BEND3: variants seen among roughly 807,000 people sequenced by gnomAD.
BEND3 encodes BEN domain containing 3, also known as BEN domain-containing protein 3.
In BEND3, 13 loss-of-function variants were observed where a neutral mutation model predicts 60.1. That is an observed-to-expected ratio of 0.22 (90% CI 0.14 to 0.34). The LOEUF is 0.34. Ranked by LOEUF, BEND3 falls within the 10% of genes least tolerant of loss-of-function variation. BEND3 has a pLI of 1.00. For synonymous variants in BEND3, 497 were observed against 491.5 expected, an observed-to-expected ratio of 1.01 and a Z score of -0.15; for missense variants, 896 against 1,138.1, an observed-to-expected ratio of 0.79 and a Z score of 3.06.
chr6:107,070,221 A>C lies in BEND3; in HGVS notation c.970T>G (p.Trp324Gly), dbSNP rs782118787. ...YYPSVKDTAV[W>G]QAECLPQLND... is the part of the protein sequence containing the mutation. ...AGCTGGGGCAGGCACTCGGCCTGCC[A>C]CACAGCCGTGTCCTTCACCGAGGGG... The change falls in exon 4 of 4, where the codon TGG becomes GGG. Residue 324 changes from tryptophan (W) to glycine (G), a missense_variant. Coordinates refer to ENST00000369042, the MANE Select transcript of BEND3 (RefSeq NM_001367314.1). The surrounding 1 kb of genome is among the most constrained non-coding windows in gnomAD (Gnocchi z 6.9). 6.2e-7 allele frequency: 1 copy of C among 1,612,786 alleles called. No homozygotes were observed. Among genetic ancestry groups the C allele is most frequent in the African/African-American group, 1.3e-5 (1 of 74,942 alleles).
At chr6:107,075,167 A>G (rs1349966636) in intron 3 of BEND3, among the ~76,000 whole-genome samples, 1 of 152,096 alleles carries the variant, frequency 6.6e-6, no homozygotes, top group African/African-American at 2.4e-5. Context: ...TGGAGGTTGC[A>G]GTGAGCTGTG....
intron 3 of BEND3, among the ~76,000 whole-genome samples, chr6:107,080,749 T>G (rs2115006818): frequency 6.6e-6 from 1 of 152,080 alleles, no homozygotes; most frequent in East Asian, 1.9e-4. Context: ...CTGGGCGTGG[T>G]GGTGCGCACC....
rs549048606 is a variant in BEND3, at chr6:107,100,392, C to T, written c.-11-1096G>A. 2.3e-4 allele frequency among the ~76,000 whole-genome samples: 35 copies of T among 152,244 alleles called. No homozygotes were observed. The East Asian group carries it at 5.6e-3, about 24-fold the overall frequency. ...AAGTGATTCTCCTGCCTCTGCCTCC[C>T]GAGTAGCTGGGACTACAGGCATAAG... On this transcript the variant is annotated intron_variant, in intron 1 of 3. Transcript: ENST00000369042.
intron 3 of BEND3, among the ~76,000 whole-genome samples, chr6:107,086,556 AG>A (rs1397575266): frequency 3.3e-5 from 5 of 151,744 alleles, no homozygotes; most frequent in Non-Finnish European, 5.9e-5. Flanking sequence ...CGAAGGTTGC[AG>A]TGAGCCGAAA....
chr6:107,069,078 C>T lies in BEND3; in HGVS notation c.2113G>A (p.Glu705Lys). Residue 705 changes from glutamate (E) to lysine (K), a missense_variant, in exon 4 of 4, where the codon GAG becomes AAG. Transcript: ENST00000369042. Reference sequence around the variant, plus strand: ...AAGTCAGGCGAGGGGACCACCAGCTCGTCCAAGGGGATCTTGCAAAAGTCC... The same window carrying T: ...AAGTCAGGCGAGGGGACCACCAGCTTGTCCAAGGGGATCTTGCAAAAGTCC... ...SKDFCKIPLD[E>K]LVVPSPDFPV... 2.5e-6 allele frequency: 4 copies of T among 1,613,056 alleles called. No individual in the cohort carries two copies. Among genetic ancestry groups the T allele is most frequent in the South Asian group, 1.1e-5 (1 of 91,028 alleles).
chr6:107,070,923 C>T lies in BEND3; in HGVS notation c.268G>A (p.Glu90Lys). 6.2e-7 allele frequency: 1 copy of T among 1,612,826 alleles called. No individual in the cohort carries two copies. The highest frequency in any genetic ancestry group is 8.5e-7 in the Non-Finnish European group (1 of 1,179,476). ...TTGCCTTGGCAGGGCGAGCTGTTCT[C>T]ACGGTTCCGCATGCCTGCTAGGAGA... ...EALLAGMRNR[E>K]NSSPCQGNGE... Residue 90 changes from glutamate to lysine, a missense_variant, in exon 4 of 4, where the codon GAG becomes AAG. This residue lies in a region of BEND3 where 846 missense variants were observed against 1,036.7 expected (regional missense o/e 0.82). Coordinates refer to ENST00000369042, the MANE Select transcript of BEND3 (RefSeq NM_001367314.1). This position sits in a 1 kb window ranked among gnomAD's most constrained non-coding sequence, Gnocchi z 6.9.
In BEND3 at chr6:107,115,379, C is replaced by T. The variant is rs1452614434; in HGVS notation, c.-301G>A. The T allele has an allele frequency of 6.7e-6, 1 of 148,800 alleles. No homozygotes were observed. Among genetic ancestry groups the T allele is most frequent in the Non-Finnish European group, 1.5e-5 (1 of 66,656 alleles). The allele number at this position is 148,800 out of a possible 1,614,324, so 9.2% of individuals were successfully genotyped here. ...GGAACCACAACCCCTCCGCCCCCAC[C>T]CCCGGCCCGCCCCTCCCCCTCAGCG... On this transcript the variant is annotated 5_prime_UTR_variant, in exon 1 of 4. Coordinates refer to ENST00000369042, the MANE Select transcript of BEND3 (RefSeq NM_001367314.1).
In BEND3 at chr6:107,070,440, C is replaced by A. The variant is rs1213131224; in HGVS notation, c.751G>T (p.Ala251Ser). 3.1e-6 allele frequency: 5 copies of A among 1,614,006 alleles called. No homozygotes were observed. Among genetic ancestry groups the A allele is most frequent in the Middle Eastern group, 3.3e-4 (2 of 6,062 alleles). Residue 251 changes from alanine to serine, a missense_variant, in exon 4 of 4, where the codon GCA becomes TCA. Coordinates refer to ENST00000369042, the MANE Select transcript of BEND3 (RefSeq NM_001367314.1). This position sits in a 1 kb window ranked among gnomAD's most constrained non-coding sequence, Gnocchi z 6.9. Reference sequence around the variant, plus strand: ...TGGTCCACGATCTGCTTGAGCTCTGCGGCTGTGAGCTGGTACTCAGGGGGC... The same window carrying A: ...TGGTCCACGATCTGCTTGAGCTCTGAGGCTGTGAGCTGGTACTCAGGGGGC... ...QPPPEYQLTA[A>S]ELKQIVDQSL... is the part of the protein sequence containing the mutation.
chr6:107,081,774 G>A (rs1389357486), intron 3 of BEND3, among the ~76,000 whole-genome samples: 1 of 149,526 alleles, frequency 6.7e-6, no homozygotes, highest in Non-Finnish European at 1.5e-5. Context: ...GTGAGACCCT[G>A]TCTCAAAAAA....
chr6:107,070,830 C>T lies in BEND3; in HGVS notation c.361G>A (p.Asp121Asn), dbSNP rs148305412. 11 of 1,613,988 alleles carry T rather than the reference C, an allele frequency of 6.8e-6. No individual in the cohort carries two copies. Among genetic ancestry groups the T allele is most frequent in the South Asian group, 3.3e-5 (3 of 91,088 alleles). Residue 121 changes from aspartate to asparagine, a missense_variant, in exon 4 of 4, where the codon GAT (aspartate) becomes AAT (asparagine). Coordinates refer to ENST00000369042, the MANE Select transcript of BEND3 (RefSeq NM_001367314.1). The surrounding 1 kb of genome is among the most constrained non-coding windows in gnomAD (Gnocchi z 6.9). Reference protein sequence around the residue: ...VWPGEEEPCNDATTPSYKKPL... With the variant: ...VWPGEEEPCNNATTPSYKKPL... ...TTCTTGTAGGAAGGGGTGGTGGCAT[C>T]GTTGCAGGGCTCCTCCTCTCCAGGC... is the stretch of plus-strand genomic sequence containing the variant.
At chr6:107,096,677 G>C (rs1007168194) in intron 3 of BEND3, among the ~76,000 whole-genome samples, 1 of 152,306 alleles carries the variant, frequency 6.6e-6, no homozygotes, top group East Asian at 1.9e-4. Flanking sequence ...TCCTTAGAAA[G>C]TACATTAGTG....
chr6:107,083,235 G>A (rs782253752), intron 3 of BEND3, among the ~76,000 whole-genome samples: 19 of 152,150 alleles, frequency 1.2e-4, no homozygotes, highest in Non-Finnish European at 1.9e-4. Flanking sequence ...CCATCCAGGC[G>A]TGAAACTTTT....
At chr6:107,071,331 G>A (rs60486046) in intron 3 of BEND3, among the ~76,000 whole-genome samples, 1,783 of 152,320 alleles carry the variant, frequency 0.012, 26 homozygotes, top group African/African-American at 0.036. Flanking sequence ...TGCAGCTGCC[G>A]GCCACGGGCA....
At chr6:107,089,536 A>G (rs916022413) in intron 3 of BEND3, among the ~76,000 whole-genome samples, 3 of 149,874 alleles carry the variant, frequency 2.0e-5, no homozygotes, top group Non-Finnish European at 4.5e-5. Context: ...CAGTGAGCCA[A>G]GATCGTGCCA....
chr6:107,102,645 G>GGC (rs1775725280), intron 1 of BEND3, among the ~76,000 whole-genome samples: 1 of 152,170 alleles, frequency 6.6e-6, no homozygotes, highest in Admixed American at 6.5e-5. Context: ...CAGCATGGTG[G>GGC]GCCCCTTCCC....
At position 107,078,646 on chromosome 6, in the gene BEND3, C is replaced by T. The variant is rs116312349; in HGVS notation, c.241-7696G>A. ...AGTAAACAACATTTCTAAAGGCTGA[C>T]ATGGAGCATGCCCCATGCTGCGTCC... is the stretch of plus-strand genomic sequence containing the variant. On this transcript the variant is annotated intron_variant, in intron 3 of 3. Coordinates refer to ENST00000369042, the MANE Select transcript of BEND3 (RefSeq NM_001367314.1). Among the ~76,000 whole-genome samples, 730 of 149,800 alleles carry T rather than the reference C, an allele frequency of 4.9e-3. 8 individuals are homozygous for T. The highest frequency in any genetic ancestry group is 0.017 in the African/African-American group (697 of 40,266).
chr6:107,095,519 TA>T (rs1334085847), intron 3 of BEND3, among the ~76,000 whole-genome samples: 3 of 152,196 alleles, frequency 2.0e-5, no homozygotes, highest in African/African-American at 4.8e-5. Flanking sequence ...TTTACCAAAC[TA>T]AACATAATCA....
chr6:107,071,366 C>T (rs1774977379), intron 3 of BEND3, among the ~76,000 whole-genome samples: 1 of 151,460 alleles, frequency 6.6e-6, no homozygotes, highest in Non-Finnish European at 1.5e-5. Flanking sequence ...CCCGTGCCTT[C>T]GTCTGCTCTC....
At chr6:107,089,168 A>G (rs1554234780) in intron 3 of BEND3, among the ~76,000 whole-genome samples, 1 of 152,038 alleles carries the variant, frequency 6.6e-6, no homozygotes, top group African/African-American at 2.4e-5. Flanking sequence ...TATCTCTACA[A>G]TGAAAACGTT....
Sources: allele counts gnomAD v4.1 joint callset (sites outside exome capture counted in the v4.1 genomes callset), GRCh38; gene constraint gnomAD v4.1.1; regional missense constraint gnomAD v4.1.1; non-coding constraint Gnocchi (gnomAD v3.1); transcripts MANE v1.5; gene names NCBI Gene and HGNC (gene_info 2026-07-23, HGNC 2026-07-21).